The following PIEZO2 variants were observed in gnomAD, a reference collection of about 807,000 sequenced individuals.
PIEZO2 encodes piezo-type mechanosensitive ion channel component 2.
In PIEZO2, 172 loss-of-function variants were observed where a neutral mutation model predicts 337.3. That is an observed-to-expected ratio of 0.51 (90% confidence interval 0.45 to 0.58). PIEZO2 has a LOEUF of 0.58. PIEZO2 is among the 20% of genes least tolerant of loss of function. The pLI is 0.00. For synonymous variants in PIEZO2, 1,251 were observed against 1,228.5 expected (o/e 1.02, Z -0.38); for missense variants, 3,028 against 3,391.3 (o/e 0.89, Z 2.66).
chr18:10,808,957 A>G (rs2040087359), intron 7 of PIEZO2, among the ~76,000 whole-genome samples: 1 of 152,194 alleles, frequency 6.6e-6, no homozygotes, highest in Non-Finnish European at 1.5e-5. Context: ...GTTTAAAAAT[A>G]CTTGTTTTGT....
chr18:11,061,654 C>T (rs1388444804), intron 2 of PIEZO2, among the ~76,000 whole-genome samples: 1 of 151,804 alleles, frequency 6.6e-6, no homozygotes, highest in African/African-American at 2.4e-5. Context: ...CTCCCATTCA[C>T]AATTGCTTCA....
At position 10,715,806 on chromosome 18, in the gene PIEZO2, G is replaced by C. The variant is rs541438959; in HGVS notation, c.5100C>G (p.Ile1700Met). 7 of 1,526,506 alleles carry C rather than the reference G, an allele frequency of 4.6e-6. No individual in the cohort carries two copies. The African/African-American group carries it at 8.2e-5, about 18-fold the overall frequency. 94.6% of individuals were successfully genotyped at this position (1,526,506 alleles called of 1,614,324 possible). Residue 1700 changes from isoleucine to methionine, a missense_variant, in exon 38 of 56, where the codon ATC becomes ATG. By Grantham distance (10) the Ile-to-Met change is conservative (BLOSUM62 1). Transcript: ENST00000674853. The part of the protein sequence containing the change: ...KKKSDGPDNI[I>M]KRIFNILKFT... Reference sequence around the variant, plus strand: ...ATTTCAAAATATTAAATATCCTCTTGATGATATTATCTAGGAGGAAGAAAG... The same window carrying C: ...ATTTCAAAATATTAAATATCCTCTTCATGATATTATCTAGGAGGAAGAAAG...
chr18:11,060,873 T>C (rs201430925), intron 2 of PIEZO2, among the ~76,000 whole-genome samples: 2 of 19,852 alleles, frequency 1.0e-4, no homozygotes, highest in African/African-American at 2.6e-4. Context: ...TTCCAATCAA[T>C]AGAAAAGAGG....
At chr18:11,014,784 G>A (rs1167891249) in intron 2 of PIEZO2, among the ~76,000 whole-genome samples, 2 of 147,152 alleles carry the variant, frequency 1.4e-5, no homozygotes, top group African/African-American at 2.5e-5. Context: ...CCTCAGTGGG[G>A]AACATGTCAC....
intron 2 of PIEZO2, among the ~76,000 whole-genome samples, chr18:10,994,210 A>G (rs2035216520): frequency 6.6e-6 from 1 of 152,178 alleles, no homozygotes; most frequent in Non-Finnish European, 1.5e-5. Context: ...GCTGGGTAGT[A>G]GTCCATCACA....
chr18:10,792,791 C>T (rs1414604746), intron 13 of PIEZO2, among the ~76,000 whole-genome samples: 1 of 152,158 alleles, frequency 6.6e-6, no homozygotes, highest in Admixed American at 6.5e-5. Flanking sequence ...GTAAATGAAC[C>T]TAGGACTGGA....
Position 10,767,939 on chromosome 18 carries a change from T to TGG in PIEZO2, c.2946+2208_2946+2209insCC, listed in dbSNP as rs2038434472. Among the ~76,000 whole-genome samples the TGG allele has an allele frequency of 2.0e-5, 3 of 152,178 alleles. No individual in the cohort carries two copies. The highest frequency in any genetic ancestry group is 7.2e-5 in the African/African-American group (3 of 41,446). Reference sequence around the variant, plus strand: ...GTTGCCAGCCCAGAGCGTGAGGCCATCATGGGATGGCACAGGCCAAGTCAC... The same window carrying TGG: ...GTTGCCAGCCCAGAGCGTGAGGCCATGGCATGGGATGGCACAGGCCAAGTCAC... On this transcript the variant is annotated intron_variant, in intron 21 of 55. Transcript: ENST00000674853. This position sits in a 1 kb window ranked among gnomAD's most constrained non-coding sequence, Gnocchi z 4.2.
chr18:11,059,045 A>G (rs1357878424), intron 2 of PIEZO2, among the ~76,000 whole-genome samples: 1 of 152,250 alleles, frequency 6.6e-6, no homozygotes, highest in Non-Finnish European at 1.5e-5. Flanking sequence ...CCACCAGACT[A>G]ACAGCTGATT....
In PIEZO2 at chr18:10,815,124, CTCTAATGGCATAAA is replaced by C. The variant is rs2040323787; in HGVS notation, c.918-7864_918-7851del. 6.6e-6 allele frequency among the ~76,000 whole-genome samples: 1 copy of C among 152,154 alleles called. No homozygotes were observed. The highest frequency in any genetic ancestry group is 2.1e-4 in the South Asian group (1 of 4,832). Reference sequence around the variant, plus strand: ...CCATCCCCTACCGACCCTTTCCCCACTCTAATGGCATAAATCTAATGGCAACAAAACATGGGTCT... The same window carrying C: ...CCATCCCCTACCGACCCTTTCCCCACTCTAATGGCAACAAAACATGGGTCT... On this transcript the variant is annotated intron_variant, in intron 7 of 55. Transcript: ENST00000674853. This position sits in a 1 kb window ranked among gnomAD's most constrained non-coding sequence, Gnocchi z 4.1.
chr18:11,058,975 T>C (rs1381255246), intron 2 of PIEZO2, among the ~76,000 whole-genome samples: 1 of 151,894 alleles, frequency 6.6e-6, no homozygotes, highest in Non-Finnish European at 1.5e-5. Context: ...AAAGTTGAAA[T>C]GAAGGAAAAA....
At chr18:10,927,273 C>G (rs1208451575) in intron 3 of PIEZO2, among the ~76,000 whole-genome samples, 1 of 152,176 alleles carries the variant, frequency 6.6e-6, no homozygotes. Flanking sequence ...CCTTTGGAAG[C>G]TCAAGTTCTT....
intron 36 of PIEZO2, among the ~76,000 whole-genome samples, chr18:10,723,070 C>T (rs11664017): frequency 6.7e-6 from 1 of 148,600 alleles, no homozygotes; most frequent in African/African-American, 2.5e-5. Flanking sequence ...CGGATTCAAG[C>T]GATTCTCCTA....
chr18:10,797,569 A>G lies in PIEZO2; in HGVS notation c.1379-47T>C, dbSNP rs56112279. ...TTAACTATTTATGCAAACATGTGACATTTGTATAAATGTTCCAAGCAATGC... is the reference window on the plus strand; with the variant it reads ...TTAACTATTTATGCAAACATGTGACGTTTGTATAAATGTTCCAAGCAATGC... On this transcript the variant is annotated intron_variant, in intron 11 of 55. Coordinates refer to ENST00000674853, the MANE Select transcript of PIEZO2 (RefSeq NM_001378183.1). 0.35 allele frequency: 528,453 copies of G among 1,530,710 alleles called. 95,808 individuals are homozygous for G. The highest frequency in any genetic ancestry group is 0.39 in the Middle Eastern group (2,307 of 5,948). 94.8% of individuals were successfully genotyped at this position (1,530,710 alleles called of 1,614,324 possible).
At chr18:10,978,566 G>A (rs1328399147) in intron 3 of PIEZO2, among the ~76,000 whole-genome samples, 3 of 152,214 alleles carry the variant, frequency 2.0e-5, no homozygotes, top group Middle Eastern at 3.4e-3. Flanking sequence ...ATGCAGTGAG[G>A]GATAATAGTT....
At chr18:10,797,250 A>G (rs2039641855) in intron 12 of PIEZO2, 124 bp downstream of exon 12, 1 of 760,738 alleles carries the variant, frequency 1.3e-6, no homozygotes, top group Non-Finnish European at 2.0e-6. Flanking sequence ...GTCATATCAT[A>G]CATACCATCA....
Position 10,980,578 on chromosome 18 carries a change from G to A in PIEZO2, c.161-918C>T. Among the ~76,000 whole-genome samples, 1 of 152,104 alleles carries A rather than the reference G, an allele frequency of 6.6e-6. No homozygotes were observed. The highest frequency in any genetic ancestry group is 1.5e-5 in the Non-Finnish European group (1 of 68,014). Reference sequence around the variant, plus strand: ...AACTAGACTTATTTGCAGATAATATGATCAAATGGAATTATTTTCAGATTA... The same window carrying A: ...AACTAGACTTATTTGCAGATAATATAATCAAATGGAATTATTTTCAGATTA... On this transcript the variant is annotated intron_variant, in intron 2 of 55. Transcript: ENST00000674853. The surrounding 1 kb of genome is among the most constrained non-coding windows in gnomAD (Gnocchi z 4.8).
chr18:10,972,242 G>T, intron 3 of PIEZO2, among the ~76,000 whole-genome samples: 1 of 150,664 alleles, frequency 6.6e-6, no homozygotes, highest in African/African-American at 2.4e-5. Context: ...ACATGAAAAT[G>T]TTAGTTCATT....
At chr18:11,073,127 A>G (rs2038407058) in intron 1 of PIEZO2, among the ~76,000 whole-genome samples, 4 of 152,222 alleles carry the variant, frequency 2.6e-5, no homozygotes, top group Non-Finnish European at 1.5e-5. Flanking sequence ...GGTTTCCCAC[A>G]TCACAACCTT....
At chr18:10,711,306 A>T (rs1482256259) in intron 39 of PIEZO2, among the ~76,000 whole-genome samples, 1 of 152,208 alleles carries the variant, frequency 6.6e-6, no homozygotes, top group East Asian at 1.9e-4. Context: ...TATTTTATGA[A>T]AAATTTATTT....
Sources: allele counts gnomAD v4.1 joint callset (sites outside exome capture counted in the v4.1 genomes callset), GRCh38; gene constraint gnomAD v4.1.1; non-coding constraint Gnocchi (gnomAD v3.1); transcripts MANE v1.5; gene names NCBI Gene and HGNC (gene_info 2026-07-23, HGNC 2026-07-21).